The following SIRT1 variants were observed in gnomAD, a reference collection of about 807,000 sequenced individuals.
The protein encoded by SIRT1 is NAD-dependent protein deacetylase sirtuin-1.
A neutral mutation model predicts 67.9 loss-of-function variants in SIRT1; 24 were observed. The ratio of observed to expected loss-of-function variants is 0.35; its 90% CI spans 0.26 to 0.50. The LOEUF (loss-of-function observed/expected upper bound fraction) is 0.50, where lower values mean the gene tolerates loss of function less well. SIRT1 is among the 20% of genes least tolerant of loss of function. SIRT1 has a pLI of 0.98. For missense variants in SIRT1, 873 were observed against 937.2 expected (o/e 0.93, Z 0.89); for synonymous variants, 378 against 350.7 (o/e 1.08, Z -0.87).
chr10:67,896,843 T>A (rs1427562267), intron 4 of SIRT1, among the ~76,000 whole-genome samples: 1 of 148,048 alleles, frequency 6.8e-6, no homozygotes, highest in Admixed American at 6.8e-5. Context: ...CAATAAAAAA[T>A]GTCTTCAAAA....
chr10:67,910,012 G>A (rs1842875443), intron 7 of SIRT1, among the ~76,000 whole-genome samples: 1 of 152,088 alleles, frequency 6.6e-6, no homozygotes, highest in African/African-American at 2.4e-5. Flanking sequence ...ACATCTGGCT[G>A]AACTGTTTTT....
In SIRT1 at chr10:67,916,466, C is replaced by G. The variant is rs749218988; in HGVS notation, c.2117C>G (p.Pro706Arg). The G allele has an allele frequency of 3.1e-6, 5 of 1,614,076 alleles. No individual in the cohort carries two copies. The highest frequency in any genetic ancestry group is 4.2e-6 in the Non-Finnish European group (5 of 1,180,004). ...EEFYNGLEDE[P>R]DVPERAGGAG... ...TTCTACAATGGCTTAGAAGATGAGC[C>G]TGATGTTCCAGAGAGAGCTGGAGGA... The change falls in exon 9 of 9, where the codon CCT becomes CGT. Residue 706 changes from proline (P) to arginine (R), a missense_variant. By Grantham distance (103) the Pro-to-Arg change is moderately radical. Transcript: ENST00000212015.
rs1400809767 is a variant in SIRT1 at position 67,917,783 on chromosome 10, T to C, written c.*1190T>C. Reference sequence around the variant, plus strand: ...GAATGAAACTAGTTCTTATAATTTATCTTTATTTAAAAGCTTAGCCTGCCT... The same window carrying C: ...GAATGAAACTAGTTCTTATAATTTACCTTTATTTAAAAGCTTAGCCTGCCT... On this transcript the variant is annotated 3_prime_UTR_variant, in exon 9 of 9. Coordinates refer to ENST00000212015, the MANE Select transcript of SIRT1 (RefSeq NM_012238.5). 6.6e-6 allele frequency: 1 copy of C among 152,630 alleles called. No individual in the cohort carries two copies. Among genetic ancestry groups the C allele is most frequent in the Non-Finnish European group, 1.5e-5 (1 of 68,028 alleles). 9.5% of individuals were successfully genotyped at this position (152,630 alleles called of 1,614,324 possible). A position where few individuals can be genotyped will look rare whatever the true frequency, so the allele number is the denominator to read the frequency against.
chr10:67,897,155 C>T (rs1324157010), intron 4 of SIRT1, among the ~76,000 whole-genome samples: 1 of 145,182 alleles, frequency 6.9e-6, no homozygotes, highest in Non-Finnish European at 1.5e-5. Context: ...GACTCCATCT[C>T]AAAAAAAAAA....
chr10:67,906,715 A>AT lies in SIRT1; in HGVS notation c.943-68dup. ...AAATTATGTGTGTGGGATTATCAGT[A>AT]TTTTTTTGTTAAACATATGACATCT... On this transcript the variant is annotated intron_variant, in intron 4 of 8. Transcript: ENST00000212015. 16 of 1,403,472 alleles carry AT rather than the reference A, an allele frequency of 1.1e-5. 1 individual carries two copies. The highest frequency in any genetic ancestry group is 3.7e-5 in the South Asian group (3 of 80,358). The allele number at this position is 1,403,472 out of a possible 1,614,324, so 86.9% of individuals were successfully genotyped here.
Position 67,891,437 on chromosome 10 carries a change from A to G in SIRT1, c.825A>G (p.Ser275=), listed in dbSNP as rs771452689. 2.4e-5 allele frequency: 39 copies of G among 1,614,024 alleles called. No individual in the cohort carries two copies. Among genetic ancestry groups the G allele is most frequent in the Non-Finnish European group, 3.1e-5 (37 of 1,179,998 alleles). ...SVSCGIPDFR[S]RDGIYARLAV... is the part of the protein sequence containing the mutation. ...CATGTGGAATACCTGACTTCAGGTC[A>G]AGGGATGGTATTTATGCTCGCCTTG... Residue 275 remains serine (S), a synonymous_variant, in exon 4 of 9, where the codon TCA becomes TCG. Coordinates refer to ENST00000212015, the MANE Select transcript of SIRT1 (RefSeq NM_012238.5).
chr10:67,904,630 G>A (rs1270527729), intron 4 of SIRT1, among the ~76,000 whole-genome samples: 1 of 152,064 alleles, frequency 6.6e-6, no homozygotes, highest in African/African-American at 2.4e-5. Flanking sequence ...CGGATCACCT[G>A]AGGTCAGGAG....
intron 4 of SIRT1, among the ~76,000 whole-genome samples, chr10:67,905,752 CA>C (rs1384552897): frequency 3.3e-5 from 5 of 152,142 alleles, no homozygotes; most frequent in Non-Finnish European, 7.4e-5. Flanking sequence ...TGCTTAGTAA[CA>C]AAAACAAAAG....
rs1842881872 is a variant in SIRT1 at position 67,910,420 on chromosome 10, A to G, written c.1357+978A>G. On this transcript the variant is annotated intron_variant, in intron 7 of 8. Coordinates refer to ENST00000212015, the MANE Select transcript of SIRT1 (RefSeq NM_012238.5). Reference sequence around the variant, plus strand: ...AGAAGTAATGCTAAACTCTACTTCTAATTTATGTGAAAAATTAAGACAAAG... The same window carrying G: ...AGAAGTAATGCTAAACTCTACTTCTGATTTATGTGAAAAATTAAGACAAAG... Among the ~76,000 whole-genome samples the G allele has an allele frequency of 3.9e-5, 6 of 152,276 alleles. No individual in the cohort carries two copies. In the South Asian group the frequency reaches 1.0e-3, roughly 26 times the overall value.
At position 67,917,280 on chromosome 10, in the gene SIRT1, T is replaced by C. The variant is rs1474165075; in HGVS notation, c.*687T>C. Reference sequence around the variant, plus strand: ...ATTTACGTTCAAATGAAGATGGCTTTTGTACTTCCTGTGGACATGTAGCAA... The same window carrying C: ...ATTTACGTTCAAATGAAGATGGCTTCTGTACTTCCTGTGGACATGTAGCAA... On this transcript the variant is annotated 3_prime_UTR_variant, in exon 9 of 9. Transcript: ENST00000212015. 2 of 152,644 alleles carry C rather than the reference T, an allele frequency of 1.3e-5. No homozygotes were observed. Among genetic ancestry groups the C allele is most frequent in the African/African-American group, 4.8e-5 (2 of 41,446 alleles). The allele number at this position is 152,644 out of a possible 1,614,324, so 9.5% of individuals were successfully genotyped here. A position where few individuals can be genotyped will look rare whatever the true frequency, so the allele number is the denominator to read the frequency against.
At chr10:67,887,913 T>A (rs1203898688) in intron 2 of SIRT1, among the ~76,000 whole-genome samples, 1 of 152,218 alleles carries the variant, frequency 6.6e-6, no homozygotes, top group East Asian at 1.9e-4. Context: ...CTTCATCCGG[T>A]TAGAATATCT....
intron 4 of SIRT1, among the ~76,000 whole-genome samples, chr10:67,897,743 C>T (rs1229872698): frequency 6.6e-6 from 1 of 151,774 alleles, no homozygotes; most frequent in Non-Finnish European, 1.5e-5. Context: ...GGTGATCCAC[C>T]CACCTTGGCC....
Position 67,885,145 on chromosome 10 carries a change from T to TACC in SIRT1, c.425_427dup (p.Tyr142_Arg143insHis). On this transcript the variant is annotated inframe_insertion, in exon 1 of 9. Transcript: ENST00000212015. The stretch of plus-strand genomic sequence containing the variant: ...AGAGGCGGCGGCGGCGGCGATTGGG[T>TACC]ACCGAGGTGCGCAGGGTGCGGGCGG... The TACC allele has an allele frequency of 1.4e-6, 2 of 1,408,276 alleles. No individual in the cohort carries two copies. Among genetic ancestry groups the TACC allele is most frequent in the Non-Finnish European group, 1.9e-6 (2 of 1,073,954 alleles). 87.2% of individuals were successfully genotyped at this position (1,408,276 alleles called of 1,614,324 possible).
In SIRT1 at chr10:67,891,480, C is replaced by T; in HGVS notation, c.868C>T (p.Leu290Phe). The change falls in exon 4 of 9, where the codon CTT becomes TTT. Residue 290 changes from leucine (L) to phenylalanine (F), a missense_variant. Around this residue, in one of 3 missense-constraint regions of SIRT1, gnomAD observed 251 missense variants for 358.8 expected, o/e 0.70. Coordinates refer to ENST00000212015, the MANE Select transcript of SIRT1 (RefSeq NM_012238.5). ...YARLAVDFPDLPDPQAMFDIE... is the reference protein window; with the variant it reads ...YARLAVDFPDFPDPQAMFDIE... ...TCGCCTTGCTGTAGACTTCCCAGAT[C>T]TTCCAGATCCTCAAGCGATGTTTGA... 1 of 1,614,102 alleles carries T rather than the reference C, an allele frequency of 6.2e-7. No individual in the cohort carries two copies. Among genetic ancestry groups the T allele is most frequent in the South Asian group, 1.1e-5 (1 of 91,084 alleles).
chr10:67,916,651 C>CA lies in SIRT1; in HGVS notation c.*62dup. The CA allele has an allele frequency of 7.1e-7, 1 of 1,405,692 alleles. No homozygotes were observed. Among genetic ancestry groups the CA allele is most frequent in the South Asian group, 1.4e-5 (1 of 72,414 alleles). The allele number at this position is 1,405,692 out of a possible 1,614,324, so 87.1% of individuals were successfully genotyped here. A position where few individuals can be genotyped will look rare whatever the true frequency, so the allele number is the denominator to read the frequency against. ...ACCAGCATTAGGAACTTTAGCATGTCAAAATGAATGTTTACTTGTGAACTC... is the reference window on the plus strand; with the variant it reads ...ACCAGCATTAGGAACTTTAGCATGTCAAAAATGAATGTTTACTTGTGAACTC... On this transcript the variant is annotated 3_prime_UTR_variant, in exon 9 of 9. Coordinates refer to ENST00000212015, the MANE Select transcript of SIRT1 (RefSeq NM_012238.5).
chr10:67,885,323 G>A, intron 1 of SIRT1, 172 bp downstream of exon 1: 1 of 1,240,184 alleles, frequency 8.1e-7, no homozygotes, highest in Non-Finnish European at 1.0e-6. Flanking sequence ...TTCCTACTGC[G>A]CGAGCTGCCA....
chr10:67,899,977 G>A (rs1012884051), intron 4 of SIRT1, among the ~76,000 whole-genome samples: 8 of 151,992 alleles, frequency 5.3e-5, no homozygotes, highest in South Asian at 2.1e-4. Flanking sequence ...CCAGCTGTTC[G>A]GAAGGCTGAG....
intron 4 of SIRT1, among the ~76,000 whole-genome samples, chr10:67,893,726 G>T (rs1842609738): frequency 6.6e-6 from 1 of 152,060 alleles, no homozygotes; most frequent in South Asian, 2.1e-4. Flanking sequence ...TGTATTTTTG[G>T]TAGAGACGGG....
intron 4 of SIRT1, among the ~76,000 whole-genome samples, chr10:67,892,583 GTT>G (rs1842590558): frequency 6.6e-6 from 1 of 150,960 alleles, no homozygotes. Flanking sequence ...ATATATGTAT[GTT>G]TTTTGAAGTT....
Sources: gnomAD v4.1 joint callset for allele counts (sites outside exome capture counted in the v4.1 genomes callset) on GRCh38, gnomAD v4.1.1 for gene constraint, gnomAD v4.1.1 regional missense constraint, MANE v1.5 for transcripts, NCBI Gene and HGNC (gene_info 2026-07-23, HGNC 2026-07-21) for gene names.